The following C2orf74 variants were observed in gnomAD, a reference collection of about 807,000 sequenced individuals.
C2orf74 encodes DPM1 ER membrane anchor 1, also known as uncharacterized protein C2orf74.
In C2orf74, 14 loss-of-function variants were observed where a neutral mutation model predicts 17.9. The ratio of observed to expected loss-of-function variants is 0.78; its 90% CI spans 0.52 to 1.22. The LOEUF (loss-of-function observed/expected upper bound fraction) is 1.22, where lower values mean the gene tolerates loss of function less well. C2orf74 is among the 50% of genes most tolerant of loss of function. C2orf74 has a pLI of 0.00. For synonymous variants in C2orf74, 79 were observed against 72.6 expected (o/e 1.09, Z -0.44); for missense variants, 217 against 218.4 (o/e 0.99, Z 0.04).
At chr2:61,145,243 G>C (rs1182372289) in intron 1 of C2orf74, 1 of 152,058 alleles carries the variant, frequency 6.6e-6, no homozygotes, top group Non-Finnish European at 1.5e-5. Flanking sequence ...TTTTGTCCTT[G>C]GATAAGTTTT....
At position 61,162,590 on chromosome 2, in the gene C2orf74, G is replaced by T; in HGVS notation, c.76G>T (p.Val26Leu). The stretch of plus-strand genomic sequence containing the variant: ...CCTCATTTGCATCCTCCTCTTATTG[G>T]TGGTTTTTTTATATAAATGGTATAA... The part of the protein sequence containing the change: ...ICLICILLLL[V>L]VFLYKCFQGR... The change falls in exon 2 of 5, where the codon GTG becomes TTG. Residue 26 changes from valine to leucine, a missense_variant. By Grantham distance (32) the Val-to-Leu change is conservative. Transcript: ENST00000432605. 2 of 1,547,596 alleles carry T rather than the reference G, an allele frequency of 1.3e-6. No individual in the cohort carries two copies. The highest frequency in any genetic ancestry group is 1.7e-6 in the Non-Finnish European group (2 of 1,143,622).
chr2:61,146,662 C>T (rs531156041), intron 1 of C2orf74, among the ~76,000 whole-genome samples: 2 of 152,064 alleles, frequency 1.3e-5, no homozygotes, highest in African/African-American at 2.4e-5. Context: ...GGTGAAACCC[C>T]GTCTCTACTA....
At chr2:61,160,509 A>G (rs1413872594), upstream of C2orf74, among the ~76,000 whole-genome samples, 1 of 145,836 alleles carries the variant, frequency 6.9e-6, no homozygotes, top group Non-Finnish European at 1.5e-5. Context: ...GAGTGTATAT[A>G]CCACTTTTTT....
chr2:61,161,186 A>C (rs1685553932), upstream of C2orf74, among the ~76,000 whole-genome samples: 1 of 152,040 alleles, frequency 6.6e-6, no homozygotes, highest in Admixed American at 6.6e-5. Context: ...TCATGTGCTT[A>C]TTGATCATTT....
chr2:61,148,344 G>A (rs985303728), intron 1 of C2orf74, among the ~76,000 whole-genome samples: 10 of 150,168 alleles, frequency 6.7e-5, no homozygotes, highest in Non-Finnish European at 4.4e-5. Flanking sequence ...CTGCCACCAC[G>A]TCCAGCAAAT....
At chr2:61,155,347 C>T (rs1685360620) in intron 1 of C2orf74, among the ~76,000 whole-genome samples, 1 of 152,128 alleles carries the variant, frequency 6.6e-6, no homozygotes, top group Non-Finnish European at 1.5e-5. Context: ...TCTGTCTCAT[C>T]ACCAATGAAT....
intron 1 of C2orf74, among the ~76,000 whole-genome samples, chr2:61,157,057 A>C (rs1685412778): frequency 6.6e-6 from 1 of 152,160 alleles, no homozygotes; most frequent in Non-Finnish European, 1.5e-5. Flanking sequence ...TTGATTTGAG[A>C]TGAAGTCTCA....
chr2:61,155,563 C>T (rs982632965), intron 1 of C2orf74, among the ~76,000 whole-genome samples: 2 of 152,114 alleles, frequency 1.3e-5, no homozygotes, highest in Non-Finnish European at 2.9e-5. Flanking sequence ...CTCTGTCCCC[C>T]AGGCTGGAGT....
chr2:61,157,199 C>T (rs890144417), upstream of C2orf74, among the ~76,000 whole-genome samples: 1 of 152,082 alleles, frequency 6.6e-6, no homozygotes, highest in African/African-American at 2.4e-5. Context: ...CGCCACCACG[C>T]CTGGCTAATT....
intron 1 of C2orf74, among the ~76,000 whole-genome samples, chr2:61,152,338 G>A (rs142988537): frequency 2.7e-5 from 4 of 150,398 alleles, no homozygotes; most frequent in East Asian, 2.0e-4. Flanking sequence ...TCAGGAGATC[G>A]AGACCATCCT....
chr2:61,149,064 C>A (rs1437018347), intron 1 of C2orf74, among the ~76,000 whole-genome samples: 2 of 152,172 alleles, frequency 1.3e-5, no homozygotes, highest in Non-Finnish European at 2.9e-5. Context: ...GTCTAACCTC[C>A]TGGTACAAAC....
At chr2:61,145,480 G>A (rs1351545280) in intron 1 of C2orf74, among the ~76,000 whole-genome samples, 1 of 152,134 alleles carries the variant, frequency 6.6e-6, no homozygotes, top group African/African-American at 2.4e-5. Flanking sequence ...CTGGAGTGCA[G>A]TAATGCAATC....
chr2:61,164,481 A>G lies in C2orf74; in HGVS notation c.518A>G (p.Tyr173Cys). 1 of 1,550,320 alleles carries G rather than the reference A, an allele frequency of 6.5e-7. No individual in the cohort carries two copies. Among genetic ancestry groups the G allele is most frequent in the Non-Finnish European group, 8.7e-7 (1 of 1,146,508 alleles). Residue 173 changes from tyrosine (Y) to cysteine (C), a missense_variant, in exon 5 of 5, where the codon TAC (tyrosine) becomes TGC (cysteine). Physicochemically the swap from Tyr to Cys is radical, Grantham distance 194. Coordinates refer to ENST00000432605, the MANE Select transcript of C2orf74 (RefSeq NM_001143959.4). ...EVIVVDLGNE[Y>C]PTPRSYTREH... Reference sequence around the variant, plus strand: ...ATTGTTGTGGATCTTGGGAATGAATACCCTACACCTCGAAGCTATACTCGA... The same window carrying G: ...ATTGTTGTGGATCTTGGGAATGAATGCCCTACACCTCGAAGCTATACTCGA...
upstream of C2orf74, among the ~76,000 whole-genome samples, chr2:61,160,226 T>A (rs866520228): frequency 2.0e-5 from 3 of 151,940 alleles, no homozygotes; most frequent in Middle Eastern, 3.4e-3. Flanking sequence ...TATGGTGCAA[T>A]TTTGGCTGAC....
intron 2 of C2orf74, 53 bp from the exon 3 acceptor site, chr2:61,162,789 T>G (rs1685602556): frequency 6.9e-7 from 1 of 1,441,726 alleles, no homozygotes; most frequent in Non-Finnish European, 9.6e-7. Context: ...ATACCACACC[T>G]TAAAATCAGG....
intron 1 of C2orf74, among the ~76,000 whole-genome samples, chr2:61,147,169 A>C (rs1471389812): frequency 6.6e-6 from 1 of 151,914 alleles, no homozygotes; most frequent in Non-Finnish European, 1.5e-5. Flanking sequence ...ACTCTCAAAA[A>C]AAGAGAAAGA....
chr2:61,163,623 AAAT>A (rs575931633), intron 4 of C2orf74, among the ~76,000 whole-genome samples: 2 of 151,264 alleles, frequency 1.3e-5, no homozygotes, highest in Admixed American at 6.6e-5. Flanking sequence ...TAATAATAAT[AAAT>A]AATAATAATA....
At chr2:61,162,782 C>A (rs1685602402) in intron 2 of C2orf74, 60 bp from the exon 3 acceptor site, 1 of 1,382,200 alleles carries the variant, frequency 7.2e-7, no homozygotes, top group Non-Finnish European at 1.0e-6. Context: ...AGTTTCTATA[C>A]CACACCTTAA....
rs200632370 is a variant in C2orf74 at position 61,163,153 on chromosome 2, G to C, written c.311G>C (p.Arg104Thr). The change falls in exon 4 of 5, where the codon AGG becomes ACG. Residue 104 changes from arginine (R) to threonine (T), a missense_variant. Transcript: ENST00000432605. The part of the protein sequence containing the change: ...EVLATPLENR[R>T]DMEAEEENQI... Reference sequence around the variant, plus strand: ...TTGGCCACACCCTTAGAAAACAGAAGGGACATGGAGGCAGAAGAGGAGAAC... The same window carrying C: ...TTGGCCACACCCTTAGAAAACAGAACGGACATGGAGGCAGAAGAGGAGAAC... 71 of 1,552,180 alleles carry C rather than the reference G, an allele frequency of 4.6e-5. No homozygotes were observed. The highest frequency in any genetic ancestry group is 2.4e-5 in the East Asian group (1 of 41,078).
Sources: gnomAD v4.1 joint callset for allele counts (sites outside exome capture counted in the v4.1 genomes callset) on GRCh38, gnomAD v4.1.1 for gene constraint, MANE v1.5 for transcripts, NCBI Gene and HGNC (gene_info 2026-07-23, HGNC 2026-07-21) for gene names.